ZMIZ1: variants seen among roughly 807,000 people sequenced by gnomAD.
The protein encoded by ZMIZ1 is zinc finger MIZ domain-containing protein 1.
In ZMIZ1, 17 loss-of-function variants were observed where a neutral mutation model predicts 113.9. That is an observed-to-expected ratio of 0.15 (90% confidence interval 0.10 to 0.22). The LOEUF (loss-of-function observed/expected upper bound fraction) is 0.22, where lower values mean the gene tolerates loss of function less well. Among genes scored for constraint, ZMIZ1 ranks in the 10% least tolerant of loss-of-function variants. ZMIZ1 has a pLI of 1.00. For synonymous variants in ZMIZ1, 607 were observed against 603.1 expected (o/e 1.01, Z -0.09); for missense variants, 1,059 against 1,477.8 (o/e 0.72, Z 4.65).
chr10:79,272,655 C>T (rs1421268844), intron 7 of ZMIZ1, among the ~76,000 whole-genome samples: 1 of 152,226 alleles, frequency 6.6e-6, no homozygotes, highest in Non-Finnish European at 1.5e-5. Flanking sequence ...GTTGAATGAA[C>T]GTTGGGTGAG....
chr10:79,109,627 C>T (rs1302628452), intron 1 of ZMIZ1, among the ~76,000 whole-genome samples: 1 of 152,216 alleles, frequency 6.6e-6, no homozygotes, highest in Non-Finnish European at 1.5e-5. Flanking sequence ...TTCTCCCCAC[C>T]ATGCCTATGC....
chr10:79,202,754 C>T (rs1292870719), intron 5 of ZMIZ1, among the ~76,000 whole-genome samples: 1 of 152,244 alleles, frequency 6.6e-6, no homozygotes, highest in Non-Finnish European at 1.5e-5. Context: ...TCCCACTGCC[C>T]AGGCTGGCAG....
chr10:79,281,023 C>T (rs1852705044), intron 8 of ZMIZ1, among the ~76,000 whole-genome samples: 1 of 152,222 alleles, frequency 6.6e-6, no homozygotes, highest in African/African-American at 2.4e-5. Context: ...CTTCTCTCCT[C>T]CAAGTTATTT....
At chr10:79,105,688 G>C (rs1843530178) in intron 1 of ZMIZ1, among the ~76,000 whole-genome samples, 2 of 152,162 alleles carry the variant, frequency 1.3e-5, no homozygotes, top group Non-Finnish European at 2.9e-5. Flanking sequence ...TGTTCTCCTT[G>C]TATTTGTTTT....
At position 79,291,160 on chromosome 10, in the gene ZMIZ1, G is replaced by A. The variant is rs937190331; in HGVS notation, c.742G>A (p.Gly248Arg). The A allele has an allele frequency of 5.6e-6, 9 of 1,610,346 alleles. No individual in the cohort carries two copies. Among genetic ancestry groups the A allele is most frequent in the African/African-American group, 4.0e-5 (3 of 74,912 alleles). Residue 248 changes from glycine (G) to arginine (R), a missense_variant, in exon 10 of 25, where the codon GGG becomes AGG. Gly to Arg is a moderately radical substitution (Grantham distance 125). Coordinates refer to ENST00000334512, the MANE Select transcript of ZMIZ1 (RefSeq NM_020338.4). Reference sequence around the variant, plus strand: ...TGGCCGGCCCAACTACCCCGGCAGCGGGGGCTTTGGGGCCAGGTGAGCAGG... The same window carrying A: ...TGGCCGGCCCAACTACCCCGGCAGCAGGGGCTTTGGGGCCAGGTGAGCAGG... ...MYGRPNYPGS[G>R]GFGASYPGGP...
At chr10:79,310,849 T>C (rs576565808) in intron 23 of ZMIZ1, 75 bp from the exon 24 acceptor site, 2 of 1,498,324 alleles carry the variant, frequency 1.3e-6, no homozygotes, top group Non-Finnish European at 9.0e-7. Context: ...TGTGTTGGGT[T>C]TCATTTTCTC....
At chr10:79,100,590 T>C (rs1447759566) in intron 1 of ZMIZ1, among the ~76,000 whole-genome samples, 1 of 151,950 alleles carries the variant, frequency 6.6e-6, no homozygotes, top group Non-Finnish European at 1.5e-5. Context: ...CAAGGAAACA[T>C]TGTGGGGTGA....
chr10:79,178,704 T>C (rs1361440937), intron 4 of ZMIZ1, among the ~76,000 whole-genome samples: 1 of 151,970 alleles, frequency 6.6e-6, no homozygotes, highest in African/African-American at 2.4e-5. Context: ...CACCCCCGCA[T>C]GCTTCCTTCC....
At chr10:79,301,628 A>G (rs1854305673) in intron 17 of ZMIZ1, among the ~76,000 whole-genome samples, 1 of 152,186 alleles carries the variant, frequency 6.6e-6, no homozygotes, top group South Asian at 2.1e-4. Flanking sequence ...ACACAGAGAT[A>G]GGGGTCACAG....
In ZMIZ1 at chr10:79,161,331, C is replaced by T. The variant is rs539479130; in HGVS notation, c.-130-722C>T. Reference sequence around the variant, plus strand: ...GTCACATCCCTCAGCTGCCCAGATGCTGCTGTGGCTCCTGCCCACCCTCTT... The same window carrying T: ...GTCACATCCCTCAGCTGCCCAGATGTTGCTGTGGCTCCTGCCCACCCTCTT... On this transcript the variant is annotated intron_variant, in intron 3 of 24. Coordinates refer to ENST00000334512, the MANE Select transcript of ZMIZ1 (RefSeq NM_020338.4). Among the ~76,000 whole-genome samples, 385 of 152,354 alleles carry T rather than the reference C, an allele frequency of 2.5e-3. 1 individual carries two copies. The highest frequency in any genetic ancestry group is 8.5e-3 in the African/African-American group (355 of 41,582).
At chr10:79,143,154 T>C (rs1365360195) in intron 3 of ZMIZ1, among the ~76,000 whole-genome samples, 2 of 152,232 alleles carry the variant, frequency 1.3e-5, no homozygotes, top group East Asian at 3.9e-4. Context: ...GGAACAAGTG[T>C]GCTCCTGACC....
chr10:79,195,979 ATC>A (rs1847816093), intron 4 of ZMIZ1, among the ~76,000 whole-genome samples: 1 of 151,974 alleles, frequency 6.6e-6, no homozygotes, highest in South Asian at 2.1e-4. Flanking sequence ...CAAATGGAAG[ATC>A]CCAGCCTGCC....
At chr10:79,277,456 GT>G in intron 8 of ZMIZ1, 131 bp downstream of exon 8, 5 of 1,210,234 alleles carry the variant, frequency 4.1e-6, no homozygotes, top group South Asian at 2.0e-5. Context: ...AGGTGCAGTT[GT>G]TTTTTTACAT....
chr10:79,300,044 G>A (rs574055499), intron 16 of ZMIZ1, among the ~76,000 whole-genome samples: 62 of 152,358 alleles, frequency 4.1e-4, no homozygotes, highest in African/African-American at 1.5e-3. Flanking sequence ...ACCATGCTGA[G>A]CAGGCTGGGT....
intron 17 of ZMIZ1, 110 bp downstream of exon 17, chr10:79,301,052 C>T: frequency 6.9e-7 from 1 of 1,451,586 alleles, no homozygotes; most frequent in East Asian, 2.4e-5. Flanking sequence ...CCCTGCGTCA[C>T]CACCCCCGTG....
intron 1 of ZMIZ1, among the ~76,000 whole-genome samples, chr10:79,114,195 C>T (rs377640039): frequency 1.3e-5 from 2 of 152,330 alleles, no homozygotes; most frequent in East Asian, 3.9e-4. Context: ...CAGAAAACAC[C>T]CCAGTGGAAA....
At chr10:79,072,274 G>GCACGCACA (rs1219216033) in intron 1 of ZMIZ1, among the ~76,000 whole-genome samples, 1 of 152,128 alleles carries the variant, frequency 6.6e-6, no homozygotes, top group Non-Finnish European at 1.5e-5. Context: ...ACGCACGCGC[G>GCACGCACA]CACGCACACT....
At position 79,311,648 on chromosome 10, in the gene ZMIZ1, C is replaced by T. The variant is rs529395934; in HGVS notation, c.3096+464C>T. On this transcript the variant is annotated intron_variant, in intron 24 of 24. Transcript: ENST00000334512. ...CATGCCCTGCTTCTGCTTGCTCCATCGCTCACTCCAAGAGGCCCCCATGTG... is the reference window on the plus strand; with the variant it reads ...CATGCCCTGCTTCTGCTTGCTCCATTGCTCACTCCAAGAGGCCCCCATGTG... Among the ~76,000 whole-genome samples, 19 of 152,076 alleles carry T rather than the reference C, an allele frequency of 1.2e-4. No individual in the cohort carries two copies. The South Asian group carries it at 3.9e-3, about 32-fold the overall frequency.
At position 79,314,026 on chromosome 10, in the gene ZMIZ1, TC is replaced by T. The variant is rs572758070; in HGVS notation, c.*1278del. On this transcript the variant is annotated 3_prime_UTR_variant, in exon 25 of 25. Transcript: ENST00000334512. ...GGCATGGGGGGGAGGGGGGCGTGTT[TC>T]TGGGCCTGCCCCAGACACTGCCCTT... The T allele has an allele frequency of 3.2e-4, 148 of 456,640 alleles. No homozygotes were observed. Among genetic ancestry groups the T allele is most frequent in the South Asian group, 2.2e-3 (145 of 64,552 alleles). 28.3% of individuals were successfully genotyped at this position (456,640 alleles called of 1,614,324 possible). A position where few individuals can be genotyped will look rare whatever the true frequency, so the allele number is the denominator to read the frequency against.
Sources: allele counts gnomAD v4.1 joint callset (sites outside exome capture counted in the v4.1 genomes callset), GRCh38; gene constraint gnomAD v4.1.1; transcripts MANE v1.5; gene names NCBI Gene and HGNC (gene_info 2026-07-23, HGNC 2026-07-21).